The following PTPN13 variants were observed in gnomAD, a reference collection of about 807,000 sequenced individuals.
The protein encoded by PTPN13 is protein tyrosine phosphatase non-receptor type 13, also known as tyrosine-protein phosphatase non-receptor type 13.
Under a neutral mutation model 284.0 loss-of-function variants are expected in PTPN13, and 191 were observed. The ratio of observed to expected loss-of-function variants is 0.67; its 90% CI spans 0.60 to 0.76. PTPN13 has a LOEUF of 0.76. Ranked by LOEUF, PTPN13 falls within the 30% of genes least tolerant of loss-of-function variation. PTPN13 has a pLI of 0.00. For missense variants in PTPN13, 2,797 were observed against 2,939.9 expected (o/e 0.95, Z 1.12); for synonymous variants, 986 against 1,022.3 (o/e 0.96, Z 0.68).
chr4:86,639,004 A>C (rs1723404826), intron 2 of PTPN13, among the ~76,000 whole-genome samples: 1 of 152,172 alleles, frequency 6.6e-6, no homozygotes, highest in Non-Finnish European at 1.5e-5. Context: ...ACCCCATCAA[A>C]AAGTGGGCAA....
At position 86,799,128 on chromosome 4, in the gene PTPN13, G is replaced by A. The variant is rs1486696723; in HGVS notation, c.6429G>A (p.Lys2143=). Residue 2143 remains lysine, a synonymous_variant, in exon 42 of 48, where the codon AAG becomes AAA. Transcript: ENST00000411767. ...TAATTCAGAAGCCACAAGAAAAGAA[G>A]ACTGATGATGATGAAATAACATGGG... is the stretch of plus-strand genomic sequence containing the variant. ...ESLIQKPQEK[K]TDDDEITWGN... is the part of the protein sequence containing the mutation. The A allele has an allele frequency of 1.3e-5, 20 of 1,589,196 alleles. No homozygotes were observed. In the East Asian group the frequency reaches 4.3e-4, roughly 34 times the overall value.
intron 1 of PTPN13, among the ~76,000 whole-genome samples, chr4:86,606,015 T>C (rs1359311156): frequency 6.6e-6 from 1 of 151,896 alleles, no homozygotes; most frequent in Non-Finnish European, 1.5e-5. Flanking sequence ...AAGTAAAATA[T>C]GGGGCTTGTA....
chr4:86,774,554 AT>A, intron 33 of PTPN13, 23 bp downstream of exon 33: 2 of 1,569,030 alleles, frequency 1.3e-6, no homozygotes, highest in Non-Finnish European at 1.7e-6. Context: ...AGAGGAATGG[AT>A]TATTTGTGTA....
chr4:86,648,806 A>G (rs1264850421), intron 2 of PTPN13, among the ~76,000 whole-genome samples: 2 of 152,122 alleles, frequency 1.3e-5, no homozygotes, highest in Non-Finnish European at 2.9e-5. Flanking sequence ...AAACCTCCAT[A>G]CTATTCTCCA....
At chr4:86,606,205 G>A (rs1764727505) in intron 1 of PTPN13, among the ~76,000 whole-genome samples, 1 of 151,822 alleles carries the variant, frequency 6.6e-6, no homozygotes, top group Non-Finnish European at 1.5e-5. Context: ...CCTAAAACAA[G>A]TATATGATGT....
At chr4:86,736,873 T>C (rs2149146508) in intron 15 of PTPN13, among the ~76,000 whole-genome samples, 1 of 152,344 alleles carries the variant, frequency 6.6e-6, no homozygotes, top group Non-Finnish European at 1.5e-5. Context: ...TCTAATAATA[T>C]ATTCTGTTAC....
intron 2 of PTPN13, among the ~76,000 whole-genome samples, chr4:86,646,290 ATTTTTTTTTT>A (rs772882076): frequency 7.5e-6 from 1 of 132,860 alleles, no homozygotes; most frequent in Non-Finnish European, 1.6e-5. Context: ...AATATTTGCA[ATTTTTTTTTT>A]TTTTTTTTTT....
In PTPN13 at chr4:86,693,559, A is replaced by G. The variant is rs190128567; in HGVS notation, c.547-28A>G. 543 of 1,429,016 alleles carry G rather than the reference A, an allele frequency of 3.8e-4. 1 individual carries two copies. Among genetic ancestry groups the G allele is most frequent in the Non-Finnish European group, 2.7e-4 (284 of 1,064,792 alleles). 88.5% of individuals were successfully genotyped at this position (1,429,016 alleles called of 1,614,324 possible). A position where few individuals can be genotyped will look rare whatever the true frequency, so the allele number is the denominator to read the frequency against. On this transcript the variant is annotated intron_variant, in intron 5 of 47. Coordinates refer to ENST00000411767, the MANE Select transcript of PTPN13 (RefSeq NM_080683.3). The stretch of plus-strand genomic sequence containing the variant: ...AAACAAAAGGGAGATCCTTTTGTCA[A>G]ACTTGATTTTTTATTACCTGTGTAC...
At chr4:86,611,684 G>A (rs1207650801) in intron 1 of PTPN13, among the ~76,000 whole-genome samples, 4 of 152,168 alleles carry the variant, frequency 2.6e-5, no homozygotes. Flanking sequence ...GCGGCATATG[G>A]TGGGAGAAAC....
rs758054135 is a variant in PTPN13 at position 86,814,472 on chromosome 4, G to C, written c.7379G>C (p.Cys2460Ser). Residue 2460 changes from cysteine to serine, a missense_variant, in exon 48 of 48, where the codon TGC (cysteine) becomes TCC (serine). Transcript: ENST00000411767. ...TGGCCATAGGATCAATATATTTTCTGCTATCAAGTCATCCTTTATGTCCTG... is the reference window on the plus strand; with the variant it reads ...TGGCCATAGGATCAATATATTTTCTCCTATCAAGTCATCCTTTATGTCCTG... ...MVQTEDQYIF[C>S]YQVILYVLTR... 6.2e-7 allele frequency: 1 copy of C among 1,610,708 alleles called. No individual in the cohort carries two copies. The highest frequency in any genetic ancestry group is 1.1e-5 in the South Asian group (1 of 90,926).
chr4:86,672,531 A>G lies in PTPN13; in HGVS notation c.282A>G (p.Ser94=). ...VLQNQSLTSL[S]DVEKIHIYSL... The stretch of plus-strand genomic sequence containing the variant: ...AAAATCAGTCACTAACTTCTCTCTC[A>G]GATGTTGAAAAGGTAACTGTTAAAT... Residue 94 remains serine (S), a synonymous_variant, in exon 3 of 48, where the codon TCA becomes TCG. Coordinates refer to ENST00000411767, the MANE Select transcript of PTPN13 (RefSeq NM_080683.3). 2 of 1,603,130 alleles carry G rather than the reference A, an allele frequency of 1.2e-6. No homozygotes were observed. Among genetic ancestry groups the G allele is most frequent in the Non-Finnish European group, 1.7e-6 (2 of 1,174,428 alleles).
intron 1 of PTPN13, among the ~76,000 whole-genome samples, chr4:86,601,032 A>G (rs1051714119): frequency 6.6e-6 from 1 of 152,086 alleles, no homozygotes; most frequent in Admixed American, 6.6e-5. Flanking sequence ...AATCTGTTCT[A>G]ATTTTATTTT....
chr4:86,614,056 A>G (rs552616237), intron 1 of PTPN13, among the ~76,000 whole-genome samples: 1 of 152,324 alleles, frequency 6.6e-6, no homozygotes, highest in East Asian at 1.9e-4. Flanking sequence ...AGGGGCTCAG[A>G]GATACATAGC....
chr4:86,774,619 A>G, intron 33 of PTPN13, 88 bp downstream of exon 33: 1 of 1,251,174 alleles, frequency 8.0e-7, no homozygotes, highest in East Asian at 2.7e-5. Context: ...GTAATACTGT[A>G]TTTATCTATT....
In PTPN13 at chr4:86,782,190, T is replaced by G; in HGVS notation, c.5963-11T>G. 1 of 1,584,666 alleles carries G rather than the reference T, an allele frequency of 6.3e-7. No individual in the cohort carries two copies. Among genetic ancestry groups the G allele is most frequent in the Non-Finnish European group, 8.7e-7 (1 of 1,153,352 alleles). ...TGGCTCATCCCCTTACTTCCTATAT[T>G]GTCCTTTCAGGTTCCTACAGTGTGG... is the stretch of plus-strand genomic sequence containing the variant. On this transcript the variant is annotated splice_polypyrimidine_tract_variant and intron_variant, in intron 36 of 47. Coordinates refer to ENST00000411767, the MANE Select transcript of PTPN13 (RefSeq NM_080683.3).
intron 2 of PTPN13, among the ~76,000 whole-genome samples, chr4:86,648,436 A>G (rs979722532): frequency 6.6e-6 from 1 of 151,944 alleles, no homozygotes; most frequent in African/African-American, 2.4e-5. Flanking sequence ...CATGAGTTCA[A>G]TTTTATTTTT....
intron 1 of PTPN13, among the ~76,000 whole-genome samples, chr4:86,613,996 T>A (rs955284940): frequency 6.6e-6 from 1 of 152,120 alleles, no homozygotes; most frequent in Non-Finnish European, 1.5e-5. Flanking sequence ...CTGTTAAGAG[T>A]TGTGTATTTT....
intron 1 of PTPN13, among the ~76,000 whole-genome samples, chr4:86,621,628 A>C (rs1010133502): frequency 1.1e-4 from 17 of 152,190 alleles, no homozygotes; most frequent in East Asian, 5.8e-4. Flanking sequence ...AGAAATGTTG[A>C]TGTGTTAGAT....
At chr4:86,698,502 T>C (rs1462187036) in intron 6 of PTPN13, among the ~76,000 whole-genome samples, 2 of 152,110 alleles carry the variant, frequency 1.3e-5, no homozygotes, top group East Asian at 1.9e-4. Context: ...AGAAGTTATA[T>C]AAATACAAAG....
Sources: gnomAD v4.1 joint callset for allele counts (sites outside exome capture counted in the v4.1 genomes callset) on GRCh38, gnomAD v4.1.1 for gene constraint, MANE v1.5 for transcripts, NCBI Gene and HGNC (gene_info 2026-07-23, HGNC 2026-07-21) for gene names.